The following ATRNL1 variants were observed in gnomAD, a reference collection of about 807,000 sequenced individuals.
The protein encoded by ATRNL1 is attractin like 1.
In ATRNL1, 95 loss-of-function variants were observed where a neutral mutation model predicts 182.7. That is an observed-to-expected ratio of 0.52 (90% confidence interval 0.44 to 0.62). The LOEUF is 0.62. ATRNL1 is among the 20% of genes least tolerant of loss of function. The probability of loss-of-function intolerance (pLI) is 0.00; values close to 1 mark genes in which losing one functional copy is unlikely to be tolerated. For synonymous variants in ATRNL1, 576 were observed against 568.3 expected (o/e 1.01, Z -0.19); for missense variants, 1,471 against 1,679.5 (o/e 0.88, Z 2.17).
intron 27 of ATRNL1, among the ~76,000 whole-genome samples, chr10:115,790,291 C>A (rs1019045348): frequency 6.6e-6 from 1 of 151,824 alleles, no homozygotes; most frequent in Non-Finnish European, 1.5e-5. Context: ...TTTGAAAGAG[C>A]CTTCTTTCCT....
At chr10:115,798,020 C>A (rs1949698151) in intron 27 of ATRNL1, among the ~76,000 whole-genome samples, 3 of 152,098 alleles carry the variant, frequency 2.0e-5, no homozygotes. Context: ...CGGGTTCACG[C>A]CATTCTCCTG....
At chr10:115,416,371 GAAAACCATTTT>G (rs1845390698) in intron 20 of ATRNL1, among the ~76,000 whole-genome samples, 1 of 151,984 alleles carries the variant, frequency 6.6e-6, no homozygotes, top group Non-Finnish European at 1.5e-5. Flanking sequence ...CATAAAATTT[GAAAACCATTTT>G]AATACATTCA....
intron 26 of ATRNL1, among the ~76,000 whole-genome samples, chr10:115,656,612 G>T (rs2133893210): frequency 6.6e-6 from 1 of 152,164 alleles, no homozygotes; most frequent in Admixed American, 6.5e-5. Flanking sequence ...GGAATAAGTT[G>T]GTTCGAATAT....
Position 115,923,223 on chromosome 10 carries a change from A to G in ATRNL1, c.4019-21435A>G, listed in dbSNP as rs573348779. 1.7e-3 allele frequency among the ~76,000 whole-genome samples: 256 copies of G among 152,322 alleles called. 2 individuals are homozygous for G. The Middle Eastern group carries it at 0.02, about 12-fold the overall frequency. ...AGTAACAAAATATATGTACATACAC[A>G]TATATACACAAAACATGTATGTATA... On this transcript the variant is annotated intron_variant, in intron 28 of 28. Coordinates refer to ENST00000355044, the MANE Select transcript of ATRNL1 (RefSeq NM_207303.4).
intron 8 of ATRNL1, among the ~76,000 whole-genome samples, chr10:115,194,907 C>A (rs1345607874): frequency 6.7e-6 from 1 of 150,026 alleles, no homozygotes; most frequent in Admixed American, 6.7e-5. Context: ...ATCTTATAAC[C>A]AGTTATTTTA....
At chr10:115,438,306 T>A (rs1307370029) in intron 21 of ATRNL1, among the ~76,000 whole-genome samples, 2 of 152,002 alleles carry the variant, frequency 1.3e-5, no homozygotes, top group South Asian at 2.1e-4. Context: ...TGATTTTTTT[T>A]ATCACTGGTT....
intron 8 of ATRNL1, among the ~76,000 whole-genome samples, chr10:115,180,833 T>C (rs1847720696): frequency 6.6e-6 from 1 of 151,908 alleles, no homozygotes; most frequent in Admixed American, 6.6e-5. Context: ...CTGAGAAATT[T>C]ATATACTAGG....
At chr10:115,836,729 C>T (rs919527292) in intron 27 of ATRNL1, among the ~76,000 whole-genome samples, 1 of 152,158 alleles carries the variant, frequency 6.6e-6, no homozygotes, top group Non-Finnish European at 1.5e-5. Context: ...GGCAAAGGCC[C>T]TATTTCCAAA....
chr10:115,130,579 C>T (rs1415869010), intron 5 of ATRNL1, among the ~76,000 whole-genome samples: 2 of 151,994 alleles, frequency 1.3e-5, no homozygotes, highest in Non-Finnish European at 2.9e-5. Flanking sequence ...CTTATTAAAT[C>T]GAATTTGGTT....
At chr10:115,307,462 A>C (rs971556215) in intron 17 of ATRNL1, among the ~76,000 whole-genome samples, 1 of 152,052 alleles carries the variant, frequency 6.6e-6, no homozygotes, top group Non-Finnish European at 1.5e-5. Context: ...GGGTTTCACC[A>C]TGTTGGCCAG....
chr10:115,319,891 A>C (rs1344086428), intron 18 of ATRNL1, among the ~76,000 whole-genome samples: 6 of 151,942 alleles, frequency 3.9e-5, no homozygotes, highest in Admixed American at 6.6e-5. Flanking sequence ...GCCCATTTAC[A>C]TTTAAGGTTA....
At position 115,587,217 on chromosome 10, in the gene ATRNL1, G is replaced by A. The variant is rs571642905; in HGVS notation, c.3795+37681G>A. ...TACTGCTGTCTTTTTGTTTGTCTGT[G>A]CCCTGCCCCCAGAGGTGGAGCCTAC... On this transcript the variant is annotated intron_variant, in intron 26 of 28. Coordinates refer to ENST00000355044, the MANE Select transcript of ATRNL1 (RefSeq NM_207303.4). Among the ~76,000 whole-genome samples, 3 of 151,964 alleles carry A rather than the reference G, an allele frequency of 2.0e-5. No homozygotes were observed. The South Asian group carries it at 6.3e-4, about 32-fold the overall frequency.
At chr10:115,287,317 T>G (rs1338818551) in intron 15 of ATRNL1, among the ~76,000 whole-genome samples, 1 of 152,078 alleles carries the variant, frequency 6.6e-6, no homozygotes, top group African/African-American at 2.4e-5. Flanking sequence ...GTAAAGAATA[T>G]AGAAAAATTT....
At chr10:115,759,580 A>ATTAG (rs10656086) in intron 27 of ATRNL1, among the ~76,000 whole-genome samples, 144,487 of 152,042 alleles carry the variant, frequency 0.95, 69,065 homozygotes, top group East Asian at 1. Context: ...CAAAGTTTTA[A>ATTAG]TTAGGTTTTG....
intron 10 of ATRNL1, among the ~76,000 whole-genome samples, chr10:115,256,620 T>G (rs1851151161): frequency 6.6e-6 from 1 of 152,196 alleles, no homozygotes; most frequent in Non-Finnish European, 1.5e-5. Context: ...GAAGGGTTAT[T>G]TGTGTCTCTG....
At chr10:115,882,838 T>C (rs1951857670) in intron 28 of ATRNL1, among the ~76,000 whole-genome samples, 1 of 152,226 alleles carries the variant, frequency 6.6e-6, no homozygotes, top group Non-Finnish European at 1.5e-5. Flanking sequence ...ACTTCACCCT[T>C]GCCATATAGC....
intron 1 of ATRNL1, among the ~76,000 whole-genome samples, chr10:115,110,786 A>G (rs566984789): frequency 5.9e-5 from 9 of 152,368 alleles, no homozygotes; most frequent in African/African-American, 2.2e-4. Context: ...ATGATGGTCA[A>G]TTGAGTTTTA....
intron 13 of ATRNL1, among the ~76,000 whole-genome samples, chr10:115,277,295 A>G (rs184927029): frequency 1.6e-4 from 24 of 152,234 alleles, no homozygotes; most frequent in Admixed American, 1.2e-3. Context: ...TAAAAATTAT[A>G]TCTGGGTACT....
At chr10:115,424,696 C>T (rs1298306784) in intron 20 of ATRNL1, among the ~76,000 whole-genome samples, 4 of 152,056 alleles carry the variant, frequency 2.6e-5, no homozygotes, top group Non-Finnish European at 5.9e-5. Context: ...TGCATGATCT[C>T]ACTTATATGT....
Sources: allele counts gnomAD v4.1 joint callset (sites outside exome capture counted in the v4.1 genomes callset), GRCh38; gene constraint gnomAD v4.1.1; transcripts MANE v1.5; gene names NCBI Gene and HGNC (gene_info 2026-07-23, HGNC 2026-07-21).